Variants in CTNND2 observed in about 807,000 individuals in gnomAD.
CTNND2 encodes the protein catenin delta-2.
Under a neutral mutation model 144.4 loss-of-function variants are expected in CTNND2, and 22 were observed. The ratio of observed to expected loss-of-function variants is 0.15; its 90% confidence interval spans 0.11 to 0.22. CTNND2 has a LOEUF of 0.22. Ranked by LOEUF, CTNND2 falls within the 10% of genes least tolerant of loss-of-function variation. The pLI is 1.00. For synonymous variants in CTNND2, 751 were observed against 695.6 expected (o/e 1.08, Z -1.25); for missense variants, 1,353 against 1,618.8 (o/e 0.84, Z 2.82).
intron 5 of CTNND2, among the ~76,000 whole-genome samples, chr5:11,401,738 C>T (rs1282478317): frequency 6.6e-6 from 1 of 152,170 alleles, no homozygotes; most frequent in African/African-American, 2.4e-5. Context: ...GATCCATTAA[C>T]TGAAACCTCA....
Position 11,159,766 on chromosome 5 carries a change from G to T in CTNND2, c.1976-7C>A, listed in dbSNP as rs771415259. ...GAGAGGTTCCAAAGGACTCCTGCAA[G>T]AGACACACAAAAAGAGGTTTTGGGT... On this transcript the variant is annotated splice_region_variant and splice_polypyrimidine_tract_variant and intron_variant, in intron 11 of 21. Coordinates refer to ENST00000304623, the MANE Select transcript of CTNND2 (RefSeq NM_001332.4). 1.7e-4 allele frequency: 259 copies of T among 1,561,818 alleles called. No homozygotes were observed. Among genetic ancestry groups the T allele is most frequent in the Non-Finnish European group, 2.1e-4 (247 of 1,152,540 alleles).
intron 2 of CTNND2, among the ~76,000 whole-genome samples, chr5:11,709,009 T>C (rs544837564): frequency 4.6e-5 from 7 of 152,234 alleles, no homozygotes; most frequent in Non-Finnish European, 1.0e-4. Context: ...GTTTATGAAC[T>C]TTCTTACCAG....
chr5:11,077,771 T>C (rs1749101367), intron 16 of CTNND2, among the ~76,000 whole-genome samples: 1 of 151,920 alleles, frequency 6.6e-6, no homozygotes, highest in Non-Finnish European at 1.5e-5. Context: ...TGATGAGAGT[T>C]TTGGACCAGA....
intron 9 of CTNND2, among the ~76,000 whole-genome samples, chr5:11,243,598 G>A (rs996755299): frequency 6.6e-6 from 1 of 152,144 alleles, no homozygotes; most frequent in African/African-American, 2.4e-5. Context: ...AATGGAAATG[G>A]GGATATGCAA....
intron 9 of CTNND2, among the ~76,000 whole-genome samples, chr5:11,310,069 T>TTTTG (rs1231947454): frequency 3.5e-4 from 53 of 152,288 alleles, no homozygotes; most frequent in African/African-American, 1.2e-3. Context: ...GGTAGTTTTT[T>TTTTG]TTTGTTTGTT....
chr5:11,856,160 TATA>T (rs535774661), intron 1 of CTNND2, among the ~76,000 whole-genome samples: 147 of 152,332 alleles, frequency 9.6e-4, no homozygotes, highest in African/African-American at 3.3e-3. Context: ...CCTGGGAGTT[TATA>T]ATATTATAAG....
At chr5:11,691,491 C>T (rs1784908077) in intron 2 of CTNND2, among the ~76,000 whole-genome samples, 1 of 151,846 alleles carries the variant, frequency 6.6e-6, no homozygotes, top group East Asian at 1.9e-4. Context: ...TACCATTTTC[C>T]CCAATATACA....
At chr5:11,307,131 G>C (rs778042291) in intron 9 of CTNND2, among the ~76,000 whole-genome samples, 1 of 151,772 alleles carries the variant, frequency 6.6e-6, no homozygotes, top group South Asian at 2.1e-4. Flanking sequence ...ATTACCTTCA[G>C]AGTCATTTAT....
chr5:11,492,512 T>C (rs867356651), intron 3 of CTNND2, among the ~76,000 whole-genome samples: 1,957 of 150,052 alleles, frequency 0.013, 39 homozygotes, highest in African/African-American at 0.047. Context: ...TATATGTGTG[T>C]GTGTGTGTGT....
intron 9 of CTNND2, among the ~76,000 whole-genome samples, chr5:11,292,016 G>C (rs1748402721): frequency 6.6e-6 from 1 of 151,826 alleles, no homozygotes; most frequent in Admixed American, 6.6e-5. Context: ...TGAGTTTCTA[G>C]CTCAACTCAT....
At chr5:11,064,503 T>C (rs1040959342) in intron 16 of CTNND2, among the ~76,000 whole-genome samples, 7 of 151,908 alleles carry the variant, frequency 4.6e-5, no homozygotes, top group African/African-American at 1.5e-4. Context: ...CTGCAGAAGA[T>C]GTGCCTTCGA....
intron 1 of CTNND2, among the ~76,000 whole-genome samples, chr5:11,774,755 C>T (rs184025372): frequency 3.3e-5 from 5 of 152,034 alleles, no homozygotes; most frequent in Non-Finnish European, 7.4e-5. Flanking sequence ...TTTATTAGTA[C>T]GATTTTCTTC....
intron 1 of CTNND2, among the ~76,000 whole-genome samples, chr5:11,897,409 T>C (rs1366916743): frequency 6.6e-6 from 1 of 152,188 alleles, no homozygotes; most frequent in Non-Finnish European, 1.5e-5. Context: ...CTTTACTGTG[T>C]CCATGATTTC....
Position 11,872,384 on chromosome 5 carries a change from T to C in CTNND2, c.37+31433A>G, listed in dbSNP as rs1024360666. 2.6e-5 allele frequency among the ~76,000 whole-genome samples: 4 copies of C among 152,206 alleles called. No homozygotes were observed. The South Asian group carries it at 8.3e-4, about 31-fold the overall frequency. ...TTTATAGTAGTATGATTTACAATCC[T>C]TTGAATAGATACCCAGTAATGGGAT... On this transcript the variant is annotated intron_variant, in intron 1 of 21. Coordinates refer to ENST00000304623, the MANE Select transcript of CTNND2 (RefSeq NM_001332.4).
intron 3 of CTNND2, among the ~76,000 whole-genome samples, chr5:11,428,885 C>T (rs768120264): frequency 4.6e-5 from 7 of 152,204 alleles, no homozygotes; most frequent in Non-Finnish European, 8.8e-5. Flanking sequence ...TCCTGAGCTA[C>T]AGTCATGCTC....
intron 9 of CTNND2, among the ~76,000 whole-genome samples, chr5:11,246,368 C>T (rs1176108996): frequency 6.6e-6 from 1 of 151,856 alleles, no homozygotes; most frequent in Non-Finnish European, 1.5e-5. Context: ...TTGGGGTGGC[C>T]CCTGAGTCAA....
chr5:11,066,466 C>A (rs534192003), intron 16 of CTNND2, among the ~76,000 whole-genome samples: 10 of 151,844 alleles, frequency 6.6e-5, no homozygotes, highest in African/African-American at 1.9e-4. Context: ...CCTCCTCCCC[C>A]ACCCTGACCC....
intron 9 of CTNND2, among the ~76,000 whole-genome samples, chr5:11,286,960 G>C (rs1486907120): frequency 6.6e-6 from 1 of 152,114 alleles, no homozygotes; most frequent in Non-Finnish European, 1.5e-5. Context: ...ATGCACTGTA[G>C]TCTATCCATG....
At chr5:11,624,226 T>G (rs1781030568) in intron 2 of CTNND2, among the ~76,000 whole-genome samples, 1 of 152,078 alleles carries the variant, frequency 6.6e-6, no homozygotes, top group Non-Finnish European at 1.5e-5. Flanking sequence ...AAATCTATTG[T>G]TCTCTCAATT....
Sources: allele counts gnomAD v4.1 joint callset (sites outside exome capture counted in the v4.1 genomes callset), GRCh38; gene constraint gnomAD v4.1.1; transcripts MANE v1.5; gene names NCBI Gene and HGNC (gene_info 2026-07-23, HGNC 2026-07-21).